Variants in TENM3 observed in about 807,000 individuals in gnomAD.
TENM3 encodes the protein teneurin-3.
A neutral mutation model predicts 255.1 loss-of-function variants in TENM3; 63 were observed. That is an observed-to-expected ratio of 0.25 (90% CI 0.20 to 0.30). TENM3 has a LOEUF of 0.30. TENM3 is among the 10% of genes least tolerant of loss of function. The probability of loss-of-function intolerance (pLI) is 1.00; values close to 1 mark genes in which losing one functional copy is unlikely to be tolerated. For missense variants in TENM3, 2,929 were observed against 3,461.1 expected, an observed-to-expected ratio of 0.85 and a Z score of 3.86; for synonymous variants, 1,306 against 1,322.3, an observed-to-expected ratio of 0.99 and a Z score of 0.27.
chr4:182,100,586 T>TAC, the TENM3 span, among the ~76,000 whole-genome samples: 33 of 113,350 alleles, frequency 2.9e-4, no homozygotes, highest in African/African-American at 1.2e-3. Context: ...CACATATATA[T>TAC]ACACATATAT....
At chr4:182,467,157 G>A (rs963821998) in intron 3 of TENM3, among the ~76,000 whole-genome samples, 1 of 152,138 alleles carries the variant, frequency 6.6e-6, no homozygotes, top group African/African-American at 2.4e-5. Context: ...CACTCAAAAT[G>A]TAGTTATAAA....
chr4:181,801,969 A>T, the TENM3 span, among the ~76,000 whole-genome samples: 272 of 152,124 alleles, frequency 1.8e-3, 1 homozygote, highest in African/African-American at 5.5e-3. Context: ...GATTTTTTTT[A>T]AAATGTACCT....
chr4:181,662,500 C>T, the TENM3 span, among the ~76,000 whole-genome samples: 1 of 152,126 alleles, frequency 6.6e-6, no homozygotes, highest in Non-Finnish European at 1.5e-5. Context: ...GTTCCTTGTC[C>T]TTCTCTCGGA....
chr4:182,522,271 A>G (rs1348772909), intron 3 of TENM3, among the ~76,000 whole-genome samples: 2 of 152,246 alleles, frequency 1.3e-5, no homozygotes, highest in Non-Finnish European at 2.9e-5. Flanking sequence ...ACTATCAAAT[A>G]TAGAACTTAA....
chr4:182,754,977 T>C lies in TENM3; in HGVS notation c.4610T>C (p.Val1537Ala), dbSNP rs1340880171. Residue 1537 changes from valine (V) to alanine (A), a missense_variant, in exon 22 of 28, where the codon GTC becomes GCC. Physicochemically the swap from Val to Ala is moderately conservative, Grantham distance 64. Around this residue, in one of 6 missense-constraint regions of TENM3, gnomAD observed 1,608 missense variants for 1,884.4 expected, o/e 0.85. Transcript: ENST00000511685. This position sits in a 1 kb window ranked among gnomAD's most constrained non-coding sequence, Gnocchi z 5.1. ...NGTHQYTVSL[V>A]TGDYLYNFSY... ...ACTCACCAATATACTGTAAGTTTAG[T>C]CACTGGTGATTACCTTTACAATTTT... is the stretch of plus-strand genomic sequence containing the variant. The C allele has an allele frequency of 8.1e-6, 13 of 1,613,924 alleles. No homozygotes were observed. The highest frequency in any genetic ancestry group is 1.1e-5 in the Non-Finnish European group (13 of 1,179,898).
chr4:181,940,635 G>T, the TENM3 span, among the ~76,000 whole-genome samples: 1 of 152,180 alleles, frequency 6.6e-6, no homozygotes, highest in African/African-American at 2.4e-5. Flanking sequence ...TGATAGGGTG[G>T]ACTCATTGAA....
chr4:181,773,337 G>A, the TENM3 span, among the ~76,000 whole-genome samples: 7 of 152,278 alleles, frequency 4.6e-5, no homozygotes, highest in East Asian at 1.4e-3. Flanking sequence ...GTTGCTTTGT[G>A]GAATATGCTC....
intron 3 of TENM3, among the ~76,000 whole-genome samples, chr4:182,400,903 G>C (rs528614855): frequency 1.3e-5 from 2 of 152,166 alleles, no homozygotes. Flanking sequence ...GTTATACTAT[G>C]GGGGTAGAAA....
At chr4:182,594,806 G>C (rs568227900) in intron 3 of TENM3, among the ~76,000 whole-genome samples, 1 of 150,302 alleles carries the variant, frequency 6.7e-6, no homozygotes, top group African/African-American at 2.5e-5. Flanking sequence ...TGCAACCTCC[G>C]CCTCCTGGGT....
intron 3 of TENM3, among the ~76,000 whole-genome samples, chr4:182,542,455 A>G (rs1251329741): frequency 6.6e-6 from 1 of 152,172 alleles, no homozygotes; most frequent in African/African-American, 2.4e-5. Flanking sequence ...CTTGGATACA[A>G]ATTCTTGAAG....
chr4:181,866,642 AG>A, the TENM3 span, among the ~76,000 whole-genome samples: 1 of 152,184 alleles, frequency 6.6e-6, no homozygotes, highest in Non-Finnish European at 1.5e-5. Context: ...ACCGAATATC[AG>A]GCCAGCTCCA....
At chr4:182,703,404 C>T (rs559851816) in intron 12 of TENM3, among the ~76,000 whole-genome samples, 22 of 152,128 alleles carry the variant, frequency 1.4e-4, no homozygotes, top group Non-Finnish European at 2.4e-4. Context: ...AACACTCTAC[C>T]CACTTCCTTT....
chr4:181,515,797 T>TA, the TENM3 span, among the ~76,000 whole-genome samples: 6 of 152,294 alleles, frequency 3.9e-5, no homozygotes, highest in African/African-American at 7.2e-5. Flanking sequence ...AAGAAAGAGC[T>TA]AAGATCTAGA....
At chr4:182,744,093 C>CTTTTTTTTT (rs957977132) in intron 19 of TENM3, 33 of 451,810 alleles carry the variant, frequency 7.3e-5, no homozygotes, top group African/African-American at 2.8e-4. Flanking sequence ...ACTGTGCTTT[C>CTTTTTTTTT]TTTTTTTTTT....
chr4:181,607,345 G>C, the TENM3 span, among the ~76,000 whole-genome samples: 1 of 152,160 alleles, frequency 6.6e-6, no homozygotes, highest in Non-Finnish European at 1.5e-5. Context: ...TGGAGCACTT[G>C]AGATGCAGCT....
intron 1 of TENM3, among the ~76,000 whole-genome samples, chr4:182,320,090 G>A (rs1762958616): frequency 7.0e-6 from 1 of 142,070 alleles, no homozygotes; most frequent in African/African-American, 2.7e-5. Context: ...TCCAGCCTGA[G>A]TGAAAGAGTG....
At chr4:182,281,860 A>G (rs975261100) in intron 1 of TENM3, among the ~76,000 whole-genome samples, 2 of 152,056 alleles carry the variant, frequency 1.3e-5, no homozygotes, top group Non-Finnish European at 2.9e-5. Flanking sequence ...CTCAGCCTCC[A>G]GAGTAGCTGG....
the TENM3 span, among the ~76,000 whole-genome samples, chr4:181,652,337 A>G: frequency 4.6e-5 from 7 of 152,110 alleles, no homozygotes; most frequent in Admixed American, 2.6e-4. Flanking sequence ...GCTATTCCAA[A>G]CATTTTGACT....
At chr4:181,571,465 T>C in the TENM3 span, among the ~76,000 whole-genome samples, 1 of 152,088 alleles carries the variant, frequency 6.6e-6, no homozygotes, top group African/African-American at 2.4e-5. Context: ...GTCTCCTGAG[T>C]AGCTGGGACT....
Sources: allele counts gnomAD v4.1 joint callset (sites outside exome capture counted in the v4.1 genomes callset), GRCh38; gene constraint gnomAD v4.1.1; regional missense constraint gnomAD v4.1.1; non-coding constraint Gnocchi (gnomAD v3.1); transcripts MANE v1.5; gene names NCBI Gene and HGNC (gene_info 2026-07-23, HGNC 2026-07-21).